The following ZHX3 variants were observed in gnomAD, a reference collection of about 807,000 sequenced individuals.
ZHX3 encodes zinc fingers and homeoboxes protein 3.
ZHX3 carries 20 observed loss-of-function variants against 64.5 expected under a neutral mutation model. That is an observed-to-expected ratio of 0.31 (90% CI 0.22 to 0.45). The LOEUF is 0.45. Among genes scored for constraint, ZHX3 ranks in the 20% least tolerant of loss-of-function variants. The pLI is 1.00. For missense variants in ZHX3, 1,041 were observed against 1,195.8 expected, an observed-to-expected ratio of 0.87 and a Z score of 1.91; for synonymous variants, 423 against 461.6, an observed-to-expected ratio of 0.92 and a Z score of 1.07.
intron 2 of ZHX3, among the ~76,000 whole-genome samples, chr20:41,210,615 CAT>C (rs998764170): frequency 1.3e-4 from 20 of 152,168 alleles, no homozygotes; most frequent in African/African-American, 4.8e-4. Context: ...CCAAACACCA[CAT>C]GTTCTCACTC....
chr20:41,313,191 A>T (rs904438162), intron 1 of ZHX3, among the ~76,000 whole-genome samples: 4 of 152,220 alleles, frequency 2.6e-5, no homozygotes, highest in Admixed American at 2.6e-4. Context: ...AGGGGAGAGT[A>T]AGGAAGGGTC....
intron 3 of ZHX3, among the ~76,000 whole-genome samples, chr20:41,197,790 GT>G (rs1389191727): frequency 1.3e-5 from 2 of 151,950 alleles, no homozygotes; most frequent in African/African-American, 4.8e-5. Flanking sequence ...ACAATGTACT[GT>G]TTTGATTCTG....
Position 41,215,251 on chromosome 20 carries a change from C to T in ZHX3, c.-150-10185G>A, listed in dbSNP as rs375774941. On this transcript the variant is annotated intron_variant, in intron 2 of 3. Transcript: ENST00000683867. ...CAGCCTGGGACACAGAGTAAGGCTC[C>T]GTCTCAAAAAATAAATAAATACAAA... Among the ~76,000 whole-genome samples the T allele has an allele frequency of 5.1e-4, 77 of 151,210 alleles. 1 individual carries two copies. The highest frequency in any genetic ancestry group is 4.8e-3 in the East Asian group (25 of 5,158).
intron 1 of ZHX3, among the ~76,000 whole-genome samples, chr20:41,316,308 T>C (rs2045286366): frequency 6.6e-6 from 1 of 152,258 alleles, no homozygotes; most frequent in African/African-American, 2.4e-5. Context: ...ATTTTTCCAC[T>C]GTATGTCTCT....
rs567947508 is a variant in ZHX3, at chr20:41,261,470, T to C, written c.-151+7520A>G. On this transcript the variant is annotated intron_variant, in intron 2 of 3. Transcript: ENST00000683867. ...TGACTCCAGAGGGAGCTGACTTAGG[T>C]TGTGTGGGAACTGAGCATGCTGGCA... 3.3e-5 allele frequency among the ~76,000 whole-genome samples: 5 copies of C among 152,304 alleles called. No individual in the cohort carries two copies. The South Asian group carries it at 8.3e-4, about 25-fold the overall frequency.
At chr20:41,310,730 C>T (rs1159787044) in intron 1 of ZHX3, among the ~76,000 whole-genome samples, 1 of 149,060 alleles carries the variant, frequency 6.7e-6, no homozygotes, top group Non-Finnish European at 1.5e-5. Flanking sequence ...ATTTAACAAG[C>T]ACAAATCCAA....
rs2146394655 is a variant in ZHX3 at position 41,232,753 on chromosome 20, T to C, written c.-150-27687A>G. On this transcript the variant is annotated intron_variant, in intron 2 of 3. Coordinates refer to ENST00000683867, the MANE Select transcript of ZHX3 (RefSeq NM_001384317.1). This position sits in a 1 kb window ranked among gnomAD's most constrained non-coding sequence, Gnocchi z 5.0. ...GGCGCCCACCACCTCGCCCGGCTAA[T>C]TTTTTGTATTTTTAGTAGAGACGGG... Among the ~76,000 whole-genome samples the C allele has an allele frequency of 6.6e-6, 1 of 151,918 alleles. No homozygotes were observed. Among genetic ancestry groups the C allele is most frequent in the South Asian group, 2.1e-4 (1 of 4,810 alleles).
intron 2 of ZHX3, among the ~76,000 whole-genome samples, chr20:41,208,412 C>A (rs2038899346): frequency 6.6e-6 from 1 of 152,188 alleles, no homozygotes; most frequent in South Asian, 2.1e-4. Flanking sequence ...AGACCAATAT[C>A]CCTGATGAAC....
intron 2 of ZHX3, among the ~76,000 whole-genome samples, chr20:41,237,015 C>T (rs1007458548): frequency 6.6e-6 from 1 of 152,184 alleles, no homozygotes; most frequent in Non-Finnish European, 1.5e-5. Flanking sequence ...TGAAAAAATG[C>T]TCATCATCAC....
chr20:41,299,535 GA>G (rs1165703170), intron 1 of ZHX3, among the ~76,000 whole-genome samples: 2 of 152,072 alleles, frequency 1.3e-5, no homozygotes, highest in Non-Finnish European at 2.9e-5. Context: ...AAGACAAAAA[GA>G]AAAAATTCAA....
chr20:41,259,750 A>G (rs1236697273), intron 2 of ZHX3, among the ~76,000 whole-genome samples: 3 of 152,196 alleles, frequency 2.0e-5, no homozygotes, highest in Non-Finnish European at 4.4e-5. Context: ...AAGTTTCACA[A>G]TAAACCCAAC....
chr20:41,240,855 T>A (rs1284745746), intron 2 of ZHX3, among the ~76,000 whole-genome samples: 1 of 152,268 alleles, frequency 6.6e-6, no homozygotes, highest in East Asian at 1.9e-4. Context: ...CATTCTTTTG[T>A]ATCGTTGAAT....
chr20:41,222,906 T>TTA lies in ZHX3; in HGVS notation c.-150-17841_-150-17840insTA, dbSNP rs577375455. Among the ~76,000 whole-genome samples, 13 of 137,186 alleles carry TTA rather than the reference T, an allele frequency of 9.5e-5. No homozygotes were observed. In the East Asian group the frequency reaches 2.3e-3, roughly 24 times the overall value. The allele number at this position is 137,186 out of a possible 152,430, so 90.0% of individuals were successfully genotyped here. On this transcript the variant is annotated intron_variant, in intron 2 of 3. Coordinates refer to ENST00000683867, the MANE Select transcript of ZHX3 (RefSeq NM_001384317.1). ...ACTTGAATTTCTCAAGAACATTTGT[T>TTA]AAAAAAAAAAAAAAAAGAAAGAAAG...
Position 41,225,075 on chromosome 20 carries a change from C to T in ZHX3, c.-150-20009G>A, listed in dbSNP as rs368469565. Among the ~76,000 whole-genome samples, 157 of 152,298 alleles carry T rather than the reference C, an allele frequency of 1.0e-3. 3 individuals are homozygous for T. In the South Asian group the frequency reaches 0.03, roughly 29 times the overall value. ...TTCAGTGAGTGAATGGGTGAATAAA[C>T]GGTAGCTGATAATGGAGTTAAGACT... is the stretch of plus-strand genomic sequence containing the variant. On this transcript the variant is annotated intron_variant, in intron 2 of 3. Transcript: ENST00000683867.
chr20:41,194,188 C>T (rs867121596), intron 3 of ZHX3, among the ~76,000 whole-genome samples: 1 of 152,100 alleles, frequency 6.6e-6, no homozygotes, highest in Admixed American at 6.5e-5. Context: ...GAAAAGTTTT[C>T]GGTCTTTCCC....
At chr20:41,284,181 C>T (rs937476396) in intron 1 of ZHX3, among the ~76,000 whole-genome samples, 1 of 152,174 alleles carries the variant, frequency 6.6e-6, no homozygotes, top group Non-Finnish European at 1.5e-5. Context: ...AGGAATACAG[C>T]TGTTTACCAA....
At position 41,237,604 on chromosome 20, in the gene ZHX3, G is replaced by T. The variant is rs1340023469; in HGVS notation, c.-151+31386C>A. On this transcript the variant is annotated intron_variant, in intron 2 of 3. Transcript: ENST00000683867. Reference sequence around the variant, plus strand: ...CAGGAAGGGGAACATCACTCACCAGGGCCTGTTGTGGGGTAGGAGGAGTGG... The same window carrying T: ...CAGGAAGGGGAACATCACTCACCAGTGCCTGTTGTGGGGTAGGAGGAGTGG... Among the ~76,000 whole-genome samples, 8 of 152,262 alleles carry T rather than the reference G, an allele frequency of 5.3e-5. No homozygotes were observed. The East Asian group carries it at 1.5e-3, about 29-fold the overall frequency.
chr20:41,193,029 CCTTA>C (rs756664906), intron 3 of ZHX3, among the ~76,000 whole-genome samples: 1 of 152,194 alleles, frequency 6.6e-6, no homozygotes, highest in Non-Finnish European at 1.5e-5. Context: ...CTTTTTCCTT[CCTTA>C]CTTTGTTTCC....
chr20:41,218,923 GTTTTTTTTTTTTTT>G (rs888061526), intron 2 of ZHX3, among the ~76,000 whole-genome samples: 5 of 92,576 alleles, frequency 5.4e-5, no homozygotes, highest in African/African-American at 2.2e-4. Context: ...AAACAGTGCT[GTTTTTTTTTTTTTT>G]TTTTTTTTTT....
Sources: allele counts gnomAD v4.1 joint callset (sites outside exome capture counted in the v4.1 genomes callset), GRCh38; gene constraint gnomAD v4.1.1; non-coding constraint Gnocchi (gnomAD v3.1); transcripts MANE v1.5; gene names NCBI Gene and HGNC (gene_info 2026-07-23, HGNC 2026-07-21).